Variants in TBC1D23 observed in about 807,000 individuals in gnomAD.
The protein encoded by TBC1D23 is HCV non-structural protein 4A-transactivated protein 1.
Under a neutral mutation model 91.4 loss-of-function variants are expected in TBC1D23, and 55 were observed. The observed-to-expected ratio is 0.60, with a 90% CI of 0.48 to 0.75. The LOEUF (loss-of-function observed/expected upper bound fraction) is 0.75, where lower values mean the gene tolerates loss of function less well. TBC1D23 is among the 30% of genes least tolerant of loss of function. The pLI is 0.00. For synonymous variants in TBC1D23, 289 were observed against 281.0 expected (o/e 1.03, Z -0.28); for missense variants, 725 against 836.1 (o/e 0.87, Z 1.64).
intron 13 of TBC1D23, among the ~76,000 whole-genome samples, chr3:100,307,281 C>T (rs1705532415): frequency 6.6e-6 from 1 of 152,140 alleles, no homozygotes; most frequent in Admixed American, 6.5e-5. Flanking sequence ...AGTGATTATT[C>T]TTTAAAACAG....
intron 1 of TBC1D23, 107 bp from the exon 2 acceptor site, chr3:100,279,542 C>G: frequency 4.2e-6 from 3 of 706,686 alleles, no homozygotes; most frequent in Admixed American, 2.9e-5. Flanking sequence ...TTGCTGAGAA[C>G]TTTTGTTTCT....
At chr3:100,289,056 A>ATCTC (rs2067767298) in intron 4 of TBC1D23, among the ~76,000 whole-genome samples, 1 of 152,048 alleles carries the variant, frequency 6.6e-6, no homozygotes, top group East Asian at 1.9e-4. Context: ...TCTACCAAAA[A>ATCTC]TACAAAAATC....
chr3:100,295,178 A>G lies in TBC1D23; in HGVS notation c.692A>G (p.Tyr231Cys), dbSNP rs189806060. 1 of 1,603,652 alleles carries G rather than the reference A, an allele frequency of 6.2e-7. No individual in the cohort carries two copies. Among genetic ancestry groups the G allele is most frequent in the East Asian group, 2.2e-5 (1 of 44,722 alleles). ...YLQQADPFFI[Y>C]FLMLIILVNA... ...CAACAAGCAGATCCATTTTTTATTT[A>G]TTTCTTAATGTTAATTATCCTTGTT... The change falls in exon 6 of 19, where the codon TAT becomes TGT. Residue 231 changes from tyrosine (Y) to cysteine (C), a missense_variant. Physicochemically the swap from Tyr to Cys is radical, Grantham distance 194. Coordinates refer to ENST00000394144, the MANE Select transcript of TBC1D23 (RefSeq NM_001199198.3).
At chr3:100,293,160 C>T (rs572188665) in intron 5 of TBC1D23, among the ~76,000 whole-genome samples, 10 of 151,514 alleles carry the variant, frequency 6.6e-5, no homozygotes, top group East Asian at 5.9e-4. Flanking sequence ...TTTTGTGAGA[C>T]GGAGTCTCTT....
At chr3:100,265,976 A>G (rs1015857334) in intron 1 of TBC1D23, among the ~76,000 whole-genome samples, 2 of 152,182 alleles carry the variant, frequency 1.3e-5, no homozygotes, top group African/African-American at 4.8e-5. Context: ...GAACTAAGTG[A>G]TTGAAATTTC....
At chr3:100,318,799 C>T (rs944049304) in intron 16 of TBC1D23, among the ~76,000 whole-genome samples, 1 of 151,836 alleles carries the variant, frequency 6.6e-6, no homozygotes, top group African/African-American at 2.4e-5. Flanking sequence ...TACAGGTGTG[C>T]ACCACCACAC....
At chr3:100,295,799 C>T (rs147915109) in intron 7 of TBC1D23, among the ~76,000 whole-genome samples, 86 of 152,270 alleles carry the variant, frequency 5.6e-4, no homozygotes, top group African/African-American at 1.8e-3. Context: ...GTTTATCTTA[C>T]TGTATTATAA....
chr3:100,297,507 C>T (rs1705321086), intron 8 of TBC1D23, among the ~76,000 whole-genome samples: 1 of 152,084 alleles, frequency 6.6e-6, no homozygotes, highest in South Asian at 2.1e-4. Context: ...TTTTATTCTT[C>T]AGACATAGTG....
chr3:100,290,629 A>G lies in TBC1D23; in HGVS notation c.528A>G (p.Gln176=), dbSNP rs763370523. The change falls in exon 5 of 19, where the codon CAA becomes CAG. Residue 176 remains glutamine (Q), a synonymous_variant. Coordinates refer to ENST00000394144, the MANE Select transcript of TBC1D23 (RefSeq NM_001199198.3). Reference sequence around the variant, plus strand: ...TTCATCTCTTCAGGTTGCTCATCCAATACCATGAGCCTGAGCTTTGTTCTT... The same window carrying G: ...TTCATCTCTTCAGGTTGCTCATCCAGTACCATGAGCCTGAGCTTTGTTCTT... The part of the protein sequence containing the change: ...RPFHLFRLLI[Q]YHEPELCSYL... 1.2e-6 allele frequency: 2 copies of G among 1,613,782 alleles called. No individual in the cohort carries two copies. Among genetic ancestry groups the G allele is most frequent in the East Asian group, 2.2e-5 (1 of 44,860 alleles).
intron 13 of TBC1D23, among the ~76,000 whole-genome samples, chr3:100,306,956 A>G (rs1247632715): frequency 2.0e-5 from 3 of 152,216 alleles, no homozygotes; most frequent in Non-Finnish European, 2.9e-5. Flanking sequence ...ACTAGGGCTC[A>G]TAATCATCTC....
chr3:100,311,086 T>A (rs1456679657), intron 14 of TBC1D23, among the ~76,000 whole-genome samples: 2 of 152,232 alleles, frequency 1.3e-5, no homozygotes, highest in East Asian at 3.8e-4. Flanking sequence ...ATATATATTG[T>A]TTCTTATTGT....
intron 15 of TBC1D23, among the ~76,000 whole-genome samples, chr3:100,314,826 T>C (rs1338117425): frequency 6.6e-6 from 1 of 152,172 alleles, no homozygotes; most frequent in African/African-American, 2.4e-5. Context: ...AACTTGATTT[T>C]TTCTCACATT....
At chr3:100,262,327 C>T (rs2067518304) in intron 1 of TBC1D23, among the ~76,000 whole-genome samples, 1 of 152,148 alleles carries the variant, frequency 6.6e-6, no homozygotes, top group Non-Finnish European at 1.5e-5. Context: ...ATGAAAGCAG[C>T]AGTGTTTCAA....
chr3:100,293,129 A>G lies in TBC1D23; in HGVS notation c.601-1958A>G, dbSNP rs200925166. Reference sequence around the variant, plus strand: ...AGTTTGTTTGTTTGTTTGTTTGTTTACTTATTTATTTATTTATTTATTTTG... The same window carrying G: ...AGTTTGTTTGTTTGTTTGTTTGTTTGCTTATTTATTTATTTATTTATTTTG... On this transcript the variant is annotated intron_variant, in intron 5 of 18. Transcript: ENST00000394144. 9.2e-3 allele frequency among the ~76,000 whole-genome samples: 704 copies of G among 76,634 alleles called. 2 individuals carry two copies. The highest frequency in any genetic ancestry group is 0.012 in the South Asian group (30 of 2,562). 50.3% of individuals were successfully genotyped at this position (76,634 alleles called of 152,430 possible).
At chr3:100,290,766 GT>G (rs140797989) in intron 5 of TBC1D23, 65 bp downstream of exon 5, 1,839 of 1,041,160 alleles carry the variant, frequency 1.8e-3, no homozygotes, top group East Asian at 4.7e-3. Context: ...AGTTAGGTGG[GT>G]TTTTTTTTTC....
At chr3:100,315,520 A>G (rs759172246) in intron 15 of TBC1D23, among the ~76,000 whole-genome samples, 4 of 152,198 alleles carry the variant, frequency 2.6e-5, no homozygotes, top group Admixed American at 6.5e-5. Context: ...CTTCATTTCT[A>G]TTGAAACAAA....
At chr3:100,306,192 A>G (rs187124664) in intron 12 of TBC1D23, among the ~76,000 whole-genome samples, 197 of 152,356 alleles carry the variant, frequency 1.3e-3, no homozygotes, top group South Asian at 3.5e-3. Context: ...TACAGTTATC[A>G]TCACATTGGC....
chr3:100,323,439 A>T lies in TBC1D23; in HGVS notation c.2019-148A>T, dbSNP rs982562011. The T allele has an allele frequency of 1.4e-5, 4 of 291,654 alleles. No individual in the cohort carries two copies. In the East Asian group the frequency reaches 2.5e-4, roughly 19 times the overall value. The allele number at this position is 291,654 out of a possible 1,614,324, so 18.1% of individuals were successfully genotyped here. On this transcript the variant is annotated intron_variant, in intron 18 of 18. Coordinates refer to ENST00000394144, the MANE Select transcript of TBC1D23 (RefSeq NM_001199198.3). ...CAAATAAGCTATGGGAGTACATAGG[A>T]GGCATCTCTGCTGGCTTTGTGGGTT...
At chr3:100,291,971 G>A (rs900446981) in intron 5 of TBC1D23, among the ~76,000 whole-genome samples, 4 of 151,946 alleles carry the variant, frequency 2.6e-5, no homozygotes, top group Admixed American at 1.3e-4. Flanking sequence ...CACCACGATG[G>A]CCAGGCTGGT....
Sources: allele counts gnomAD v4.1 joint callset (sites outside exome capture counted in the v4.1 genomes callset), GRCh38; gene constraint gnomAD v4.1.1; transcripts MANE v1.5; gene names NCBI Gene and HGNC (gene_info 2026-07-23, HGNC 2026-07-21).